CX3CR1: variants seen among roughly 807,000 people sequenced by gnomAD.
The protein encoded by CX3CR1 is CX3C chemokine receptor 1.
For synonymous variants in CX3CR1, 168 were observed against 178.5 expected, an observed-to-expected ratio of 0.94 and a Z score of 0.47; for missense variants, 363 against 432.4, an observed-to-expected ratio of 0.84 and a Z score of 1.42.
chr3:39,284,552 C>T (rs1203418251), upstream of CX3CR1, among the ~76,000 whole-genome samples: 1 of 152,158 alleles, frequency 6.6e-6, no homozygotes, highest in East Asian at 1.9e-4. Context: ...CAAAAGTAGT[C>T]TCTTCAGAAA....
chr3:39,284,320 T>C (rs935162071), upstream of CX3CR1, among the ~76,000 whole-genome samples: 1 of 152,070 alleles, frequency 6.6e-6, no homozygotes, highest in Non-Finnish European at 1.5e-5. Context: ...TGCTACCACA[T>C]CTGGCTAATT....
intron 1 of CX3CR1, among the ~76,000 whole-genome samples, chr3:39,274,171 C>A (rs1009829855): frequency 1.3e-5 from 2 of 152,044 alleles, no homozygotes; most frequent in African/African-American, 4.8e-5. Flanking sequence ...GCTGCCATGC[C>A]CAGACCCCTG....
At chr3:39,273,889 C>A (rs920632547) in intron 1 of CX3CR1, among the ~76,000 whole-genome samples, 3 of 152,176 alleles carry the variant, frequency 2.0e-5, no homozygotes, top group Admixed American at 2.0e-4. Flanking sequence ...CTGGGCCTCT[C>A]AAAGTGCCAG....
chr3:39,267,806 C>A (rs2040724082), intron 1 of CX3CR1, among the ~76,000 whole-genome samples: 1 of 152,218 alleles, frequency 6.6e-6, no homozygotes, highest in Non-Finnish European at 1.5e-5. Flanking sequence ...CTCCTGTTTC[C>A]TTCTGAGCAG....
intron 1 of CX3CR1, among the ~76,000 whole-genome samples, chr3:39,276,616 A>G (rs2965058): frequency 0.97 from 148,352 of 152,348 alleles, 72,334 homozygotes; most frequent in East Asian, 1. Context: ...CTAGTCCATG[A>G]TTTATTGCCA....
upstream of CX3CR1, among the ~76,000 whole-genome samples, chr3:39,283,802 TATATATA>T (rs2040926276): frequency 1.1e-4 from 4 of 35,880 alleles, no homozygotes; most frequent in African/African-American, 5.1e-4. Flanking sequence ...AAATTATATA[TATATATA>T]TATATATATA....
chr3:39,266,153 G>T lies in CX3CR1; in HGVS notation c.357C>A (p.Phe119Leu), dbSNP rs200027569. ...ACCTATCAATGCTGATGACGGTGAT[G>T]AAGAATATGCTTCCAAAAAAGCCGA... ...FFIGFFGSIFFITVISIDRYL... is the reference protein window; with the variant it reads ...FFIGFFGSIFLITVISIDRYL... The change falls in exon 2 of 2, where the codon TTC becomes TTA. Residue 119 changes from phenylalanine (F) to leucine (L), a missense_variant. Transcript: ENST00000399220. 25 of 1,614,206 alleles carry T rather than the reference G, an allele frequency of 1.5e-5. No individual in the cohort carries two copies. Among genetic ancestry groups the T allele is most frequent in the East Asian group, 2.2e-5 (1 of 44,890 alleles).
rs1433420476 is a variant in CX3CR1, at chr3:39,269,272, C to T, written c.-9-2754G>A. On this transcript the variant is annotated intron_variant, in intron 1 of 1. Coordinates refer to ENST00000399220, the MANE Select transcript of CX3CR1 (RefSeq NM_001337.4). ...GGAAGGGAAAGTTAGAAATAAGCAACTGATTGCCTGGTGGAGTGGCAGAGG... is the reference window on the plus strand; with the variant it reads ...GGAAGGGAAAGTTAGAAATAAGCAATTGATTGCCTGGTGGAGTGGCAGAGG... Among the ~76,000 whole-genome samples, 7 of 152,280 alleles carry T rather than the reference C, an allele frequency of 4.6e-5. 1 individual carries two copies. In the East Asian group the frequency reaches 1.4e-3, roughly 29 times the overall value.
At chr3:39,268,505 AAAAATAGTC>A (rs2040731706) in intron 1 of CX3CR1, among the ~76,000 whole-genome samples, 1 of 152,190 alleles carries the variant, frequency 6.6e-6, no homozygotes, top group South Asian at 2.1e-4. Flanking sequence ...CTGTATGAGT[AAAAATAGTC>A]AAGTCCTTGG....
At chr3:39,292,489 C>A in the CX3CR1 span, among the ~76,000 whole-genome samples, 1 of 152,146 alleles carries the variant, frequency 6.6e-6, no homozygotes, top group African/African-American at 2.4e-5. Context: ...CAGAATCCTG[C>A]AAAGCAGGGT....
chr3:39,275,310 A>C, intron 1 of CX3CR1, among the ~76,000 whole-genome samples: 1 of 152,200 alleles, frequency 6.6e-6, no homozygotes, highest in African/African-American at 2.4e-5. Context: ...CCTAAGGGAG[A>C]TAGTGCTTCT....
upstream of CX3CR1, chr3:39,286,321 G>A (rs1174956160): frequency 2.6e-5 from 4 of 152,298 alleles, no homozygotes; most frequent in Non-Finnish European, 2.9e-5. Flanking sequence ...TGATCTTATG[G>A]ATATTTGGGA....
intron 1 of CX3CR1, among the ~76,000 whole-genome samples, chr3:39,274,727 T>C (rs1456414646): frequency 6.6e-6 from 1 of 152,176 alleles, no homozygotes; most frequent in Non-Finnish European, 1.5e-5. Flanking sequence ...ATTAATTAAG[T>C]CAATATTTTT....
upstream of CX3CR1, among the ~76,000 whole-genome samples, chr3:39,283,795 T>TTATATTTATA (rs1553606449): frequency 3.1e-5 from 2 of 65,294 alleles, no homozygotes; most frequent in Non-Finnish European, 5.6e-5. Context: ...AAAAAAAAAA[T>TTATATTTATA]TATATATATA....
At chr3:39,281,573 C>T (rs752951534), upstream of CX3CR1, 1 of 1,571,864 alleles carries the variant, frequency 6.4e-7, no homozygotes, top group Non-Finnish European at 8.7e-7. Flanking sequence ...GCCCATCTAA[C>T]CTTCTCCGTT....
Position 39,265,458 on chromosome 3 carries a change from G to T in CX3CR1, c.1052C>A (p.Ala351Glu), listed in dbSNP as rs766357804. 2.2e-5 allele frequency: 35 copies of T among 1,610,174 alleles called. No individual in the cohort carries two copies. Among genetic ancestry groups the T allele is most frequent in the Admixed American group, 6.7e-5 (4 of 59,826 alleles). Residue 351 changes from alanine to glutamate, a missense_variant, in exon 2 of 2, where the codon GCA becomes GAA. Coordinates refer to ENST00000399220, the MANE Select transcript of CX3CR1 (RefSeq NM_001337.4). ...NFTYHTSDGDALLLL is the reference protein window; with the variant it reads ...NFTYHTSDGDELLLL The stretch of plus-strand genomic sequence containing the variant: ...GGATTCCCTTCAGAGAAGGAGCAAT[G>T]CATCTCCATCACTCGTGTGGTAAGT...
In CX3CR1 at chr3:39,265,688, G is replaced by A. The variant is rs1380070359; in HGVS notation, c.822C>T (p.Ala274=). ...ATGCAACCGTCTCAGTCACACTGAG[G>A]GCCAGCCTCAGATCCTTCCTCATGT... ...SCDMRKDLRL[A]LSVTETVAFS... Residue 274 remains alanine (A), a synonymous_variant, in exon 2 of 2, where the codon GCC becomes GCT. Transcript: ENST00000399220. The A allele has an allele frequency of 6.2e-7, 1 of 1,613,918 alleles. No individual in the cohort carries two copies. The highest frequency in any genetic ancestry group is 1.1e-5 in the South Asian group (1 of 91,070).
chr3:39,275,329 G>A (rs931091399), intron 1 of CX3CR1, among the ~76,000 whole-genome samples: 14 of 152,188 alleles, frequency 9.2e-5, no homozygotes, highest in African/African-American at 3.4e-4. Flanking sequence ...CTATCTCTTA[G>A]TTTCTGTGGG....
At chr3:39,285,691 T>A (rs2040938484), upstream of CX3CR1, among the ~76,000 whole-genome samples, 1 of 152,192 alleles carries the variant, frequency 6.6e-6, no homozygotes, top group South Asian at 2.1e-4. Flanking sequence ...AAATTAAAAA[T>A]TAAAAAATCT....
Sources: allele counts gnomAD v4.1 joint callset (sites outside exome capture counted in the v4.1 genomes callset), GRCh38; gene constraint gnomAD v4.1.1; transcripts MANE v1.5; gene names NCBI Gene and HGNC (gene_info 2026-07-23, HGNC 2026-07-21).